Variants in DIAPH2 observed in about 807,000 individuals in gnomAD.
The protein encoded by DIAPH2 is diaphanous related formin 2.
A neutral mutation model predicts 92.7 loss-of-function variants in DIAPH2; 35 were observed. The ratio of observed to expected loss-of-function variants is 0.38; its 90% CI spans 0.29 to 0.50. DIAPH2 has a LOEUF of 0.50. Among genes scored for constraint, DIAPH2 ranks in the 20% least tolerant of loss-of-function variants. The pLI is 0.94. For missense variants in DIAPH2, 701 were observed against 819.5 expected (o/e 0.86, Z 1.77); for synonymous variants, 301 against 280.4 (o/e 1.07, Z -0.73).
intron 23 of DIAPH2, among the ~76,000 whole-genome samples, chrX:97,319,730 T>A (rs1287145942): frequency 9.0e-6 from 1 of 110,793 alleles, no homozygotes; most frequent in Non-Finnish European, 1.9e-5. Context: ...GTGCCTAGTA[T>A]AACACCTAGT....
chrX:97,400,827 T>G (rs1166568183), intron 25 of DIAPH2, among the ~76,000 whole-genome samples: 2 of 111,535 alleles, frequency 1.8e-5, no homozygotes, highest in Admixed American at 1.9e-4. Context: ...TTACCCACCT[T>G]AGAACAAGAC....
At chrX:96,791,096 T>C (rs1348083760) in intron 4 of DIAPH2, among the ~76,000 whole-genome samples, 1 of 112,042 alleles carries the variant, frequency 8.9e-6, no homozygotes, top group Non-Finnish European at 1.9e-5. Flanking sequence ...TATTTTGCTC[T>C]CTTTATGAAA....
intron 4 of DIAPH2, among the ~76,000 whole-genome samples, chrX:96,781,628 A>G (rs1789139699): frequency 9.0e-6 from 1 of 111,148 alleles, no homozygotes; most frequent in African/African-American, 3.3e-5. Context: ...CACATTTTCT[A>G]ATTGCCAAAA....
At chrX:97,291,729 G>A (rs1184943962) in intron 23 of DIAPH2, among the ~76,000 whole-genome samples, 1 of 110,300 alleles carries the variant, frequency 9.1e-6, no homozygotes, top group Non-Finnish European at 1.9e-5. Flanking sequence ...GTAGAGATGG[G>A]GTTTCACCAT....
At chrX:97,597,756 A>G (rs927127012) in intron 26 of DIAPH2, among the ~76,000 whole-genome samples, 1 of 112,019 alleles carries the variant, frequency 8.9e-6, no homozygotes. Flanking sequence ...CGGGAATGTT[A>G]TCTTCACATT....
intron 21 of DIAPH2, among the ~76,000 whole-genome samples, chrX:97,131,107 A>T (rs2067134855): frequency 9.0e-6 from 1 of 110,560 alleles, no homozygotes; most frequent in African/African-American, 3.3e-5. Context: ...CTCTCTCAAA[A>T]AAATAAATAA....
At chrX:97,535,043 TA>T (rs1336339267) in intron 26 of DIAPH2, among the ~76,000 whole-genome samples, 2 of 111,873 alleles carry the variant, frequency 1.8e-5, no homozygotes, top group Non-Finnish European at 3.8e-5. Flanking sequence ...AAGGAAAGTT[TA>T]AGAAGCTGTC....
chrX:96,708,819 G>A (rs143227958), intron 1 of DIAPH2, among the ~76,000 whole-genome samples: 57 of 111,894 alleles, frequency 5.1e-4, no homozygotes, highest in African/African-American at 1.7e-3. Context: ...TTCTCCCCTA[G>A]GGATAATTGT....
At chrX:97,510,578 CT>C (rs1242538781) in intron 26 of DIAPH2, among the ~76,000 whole-genome samples, 7 of 104,087 alleles carry the variant, frequency 6.7e-5, no homozygotes, top group Non-Finnish European at 1.4e-4. Flanking sequence ...ACATGAAGTC[CT>C]TGCCCATGCC....
chrX:97,179,255 ATTAC>A (rs1332481564), intron 22 of DIAPH2, among the ~76,000 whole-genome samples: 1 of 92,343 alleles, frequency 1.1e-5, no homozygotes, highest in African/African-American at 4.2e-5. Context: ...TTTTTTTTTA[ATTAC>A]TTTAAGTTCC....
chrX:97,202,853 T>C (rs1223629037), intron 22 of DIAPH2, among the ~76,000 whole-genome samples: 3 of 112,209 alleles, frequency 2.7e-5, no homozygotes, highest in Non-Finnish European at 5.6e-5. Context: ...TCTACAGAAC[T>C]CTTGACACCA....
intron 19 of DIAPH2, among the ~76,000 whole-genome samples, chrX:97,092,547 G>A (rs905457241): frequency 1.3e-4 from 15 of 112,444 alleles, no homozygotes; most frequent in African/African-American, 4.5e-4. Flanking sequence ...TATTTCTTTA[G>A]TCTAATGGAT....
rs1255005089 is a variant in DIAPH2 at position 97,349,066 on chromosome X, G to GTA, written c.3009+802_3009+803dup. 1.9e-3 allele frequency among the ~76,000 whole-genome samples: 181 copies of GTA among 96,202 alleles called. 1 individual carries two copies. The highest frequency in any genetic ancestry group is 5.5e-3 in the Middle Eastern group (1 of 181). 83.5% of individuals were successfully genotyped at this position (96,202 alleles called of 115,157 possible). On this transcript the variant is annotated intron_variant, in intron 24 of 26. Transcript: ENST00000324765. ...TATATGTGTATTTATATATGTGTGT[G>GTA]TATATATATATATATATTTTTTTTT...
intron 17 of DIAPH2, among the ~76,000 whole-genome samples, chrX:97,032,918 T>G (rs1290625510): frequency 9.0e-6 from 1 of 111,554 alleles, no homozygotes; most frequent in Non-Finnish European, 1.9e-5. Flanking sequence ...GATCATTAAC[T>G]GTTTACTTCA....
chrX:97,245,567 C>A (rs1389508763), intron 22 of DIAPH2, among the ~76,000 whole-genome samples: 3 of 110,518 alleles, frequency 2.7e-5, no homozygotes, highest in Non-Finnish European at 5.7e-5. Flanking sequence ...GCCACCACAC[C>A]CAGCAGAGCT....
chrX:96,713,866 A>G lies in DIAPH2; in HGVS notation c.133-21892A>G, dbSNP rs991250476. Among the ~76,000 whole-genome samples the G allele has an allele frequency of 3.6e-5, 4 of 111,238 alleles. No homozygotes were observed. The Admixed American group carries it at 3.8e-4, about 11-fold the overall frequency. ...TGATATTCCATTGTCTGAATGTACC[A>G]CTGTTTATCCGTTCACCTACTGAAG... On this transcript the variant is annotated intron_variant, in intron 1 of 26. Coordinates refer to ENST00000324765, the MANE Select transcript of DIAPH2 (RefSeq NM_006729.5).
At chrX:97,349,010 G>GTA (rs1368734128) in intron 24 of DIAPH2, among the ~76,000 whole-genome samples, 3 of 105,187 alleles carry the variant, frequency 2.9e-5, no homozygotes, top group African/African-American at 1.1e-4. Flanking sequence ...ATATGTGTGT[G>GTA]TATATATATG....
intron 26 of DIAPH2, among the ~76,000 whole-genome samples, chrX:97,515,978 G>C (rs1321357802): frequency 2.7e-5 from 3 of 111,356 alleles, no homozygotes; most frequent in Admixed American, 9.5e-5. Context: ...ATAAGGCCGG[G>C]CACCGTGGCT....
chrX:97,035,882 G>A (rs951305356), intron 17 of DIAPH2, among the ~76,000 whole-genome samples: 3 of 109,090 alleles, frequency 2.8e-5, no homozygotes, highest in Non-Finnish European at 5.7e-5. Flanking sequence ...GGTGGCATGC[G>A]CCTGTTGTCC....
Sources: gnomAD v4.1 joint callset for allele counts (sites outside exome capture counted in the v4.1 genomes callset) on GRCh38, gnomAD v4.1.1 for gene constraint, MANE v1.5 for transcripts, NCBI Gene and HGNC (gene_info 2026-07-23, HGNC 2026-07-21) for gene names.